BOD1L1: variants seen among roughly 807,000 people sequenced by gnomAD.
BOD1L1 encodes the protein biorientation of chromosomes in cell division protein 1-like 1.
Under a neutral mutation model 240.7 loss-of-function variants are expected in BOD1L1, and 86 were observed. The ratio of observed to expected loss-of-function variants is 0.36; its 90% CI spans 0.30 to 0.43. BOD1L1 has a LOEUF of 0.43. BOD1L1 is among the 20% of genes least tolerant of loss of function. The pLI is 1.00. For synonymous variants in BOD1L1, 1,268 were observed against 1,272.3 expected, an observed-to-expected ratio of 1.00 and a Z score of 0.07; for missense variants, 3,554 against 3,643.5, an observed-to-expected ratio of 0.98 and a Z score of 0.63.
chr4:13,611,596 A>G (rs1344288481), intron 5 of BOD1L1, among the ~76,000 whole-genome samples: 1 of 152,176 alleles, frequency 6.6e-6, no homozygotes, highest in East Asian at 1.9e-4. Context: ...CTAAGTTTAA[A>G]TTCTGTTTTA....
Position 13,604,424 on chromosome 4 carries a change from T to G in BOD1L1, c.2476A>C (p.Lys826Gln). 1.3e-6 allele frequency: 2 copies of G among 1,574,388 alleles called. No homozygotes were observed. Among genetic ancestry groups the G allele is most frequent in the Non-Finnish European group, 1.7e-6 (2 of 1,169,430 alleles). ...TDENVRKENN[K>Q]KERRLSAEKT... ...TCAGCTGACAAGCGTCTCTCTTTTT[T>G]GTTGTTTTCTTTACGAACATTCTCA... Residue 826 changes from lysine to glutamine, a missense_variant, in exon 10 of 26, where the codon AAA becomes CAA. Transcript: ENST00000040738.
Position 13,598,979 on chromosome 4 carries a change from T to G in BOD1L1, c.7921A>C (p.Thr2641Pro). 6.2e-7 allele frequency: 1 copy of G among 1,612,108 alleles called. No homozygotes were observed. The highest frequency in any genetic ancestry group is 1.3e-5 in the African/African-American group (1 of 75,026). ...SFPEEGDIMV[T>P]VSSEENVCDI... ...CACACATTTTCTTCAGAAGACACAG[T>G]AACCATTATGTCTCCTTCCTCAGGG... Residue 2641 changes from threonine to proline, a missense_variant, in exon 10 of 26, where the codon ACT (threonine) becomes CCT (proline). By Grantham distance (38) the Thr-to-Pro change is conservative (BLOSUM62 -1). This residue lies in a region of BOD1L1 where 3,393 missense variants were observed against 3,427.1 expected (regional missense o/e 0.99). Transcript: ENST00000040738.
rs751252709 is a variant in BOD1L1 at position 13,577,444 on chromosome 4, C to T, written c.8843G>A (p.Gly2948Glu). Residue 2948 changes from glycine (G) to glutamate (E), a missense_variant, in exon 24 of 26, where the codon GGA becomes GAA. Gly to Glu is a moderately conservative substitution (Grantham distance 98). This residue lies in a region of BOD1L1 where 3,393 missense variants were observed against 3,427.1 expected (regional missense o/e 0.99). Coordinates refer to ENST00000040738, the MANE Select transcript of BOD1L1 (RefSeq NM_148894.3). ...EKIVTSVRRR[G>E]RKPKRSLTVS... The stretch of plus-strand genomic sequence containing the variant: ...AGTGAGAGAACGTTTGGGTTTTCTT[C>T]CTCTCCGACGCACACTTGTTACTAT... The T allele has an allele frequency of 1.9e-6, 3 of 1,613,752 alleles. No individual in the cohort carries two copies. The highest frequency in any genetic ancestry group is 2.5e-6 in the Non-Finnish European group (3 of 1,179,804).
Position 13,599,740 on chromosome 4 carries a change from G to A in BOD1L1, c.7160C>T (p.Pro2387Leu), listed in dbSNP as rs1209837163. The A allele has an allele frequency of 6.2e-7, 1 of 1,613,838 alleles. No homozygotes were observed. Among genetic ancestry groups the A allele is most frequent in the Non-Finnish European group, 8.5e-7 (1 of 1,179,848 alleles). ...TTCTTTGCCTCCCCTGACTGGCCCA[G>A]GACACCGACAGTTATTCTCAGCAAT... ...SLIAENNCRC[P>L]GPVRGGKEPG... The change falls in exon 10 of 26, where the codon CCT becomes CTT. Residue 2387 changes from proline (P) to leucine (L), a missense_variant. Coordinates refer to ENST00000040738, the MANE Select transcript of BOD1L1 (RefSeq NM_148894.3).
chr4:13,597,006 AACAGG>A, intron 11 of BOD1L1, 93 bp downstream of exon 11: 1 of 963,868 alleles, frequency 1.0e-6, no homozygotes, highest in Non-Finnish European at 1.6e-6. Flanking sequence ...GTACAATGAG[AACAGG>A]ACCTATATAC....
At chr4:13,622,676 T>C (rs1175486618) in intron 1 of BOD1L1, among the ~76,000 whole-genome samples, 2 of 152,218 alleles carry the variant, frequency 1.3e-5, no homozygotes, top group African/African-American at 2.4e-5. Flanking sequence ...GTCTGAATTA[T>C]AACAACTGGC....
chr4:13,601,961 TCA>T lies in BOD1L1; in HGVS notation c.4937_4938del (p.Val1646AspfsTer6). 1 of 1,614,006 alleles carries T rather than the reference TCA, an allele frequency of 6.2e-7. No individual in the cohort carries two copies. Among genetic ancestry groups the T allele is most frequent in the Non-Finnish European group, 8.5e-7 (1 of 1,179,892 alleles). ...GTTACAGCATCATCCTTTTCCTCTG[TCA>T]CAACGCTATTTACATTGGCTTCGAT... ...VKIEANVNSV[V>X]TEEKDDAVTS... On this transcript the variant is annotated frameshift_variant, in exon 10 of 26. Transcript: ENST00000040738. LOFTEE classifies it high-confidence loss of function.
Position 13,602,838 on chromosome 4 carries a change from T to G in BOD1L1, c.4062A>C (p.Thr1354=), listed in dbSNP as rs200374478. 4 of 1,614,046 alleles carry G rather than the reference T, an allele frequency of 2.5e-6. No individual in the cohort carries two copies. In the East Asian group the frequency reaches 8.9e-5, roughly 36 times the overall value. Residue 1354 remains threonine (T), a synonymous_variant, in exon 10 of 26, where the codon ACA becomes ACC. Coordinates refer to ENST00000040738, the MANE Select transcript of BOD1L1 (RefSeq NM_148894.3). The part of the protein sequence containing the change: ...KEGGEGFTVD[T]PAKASITSKR... Reference sequence around the variant, plus strand: ...TGCTAGTGATGCTTGCTTTTGCTGGTGTATCTACTGTGAAACCTTCACCAC... The same window carrying G: ...TGCTAGTGATGCTTGCTTTTGCTGGGGTATCTACTGTGAAACCTTCACCAC...
At chr4:13,596,999 C>T (rs1577339891) in intron 11 of BOD1L1, 105 bp downstream of exon 11, 2 of 883,142 alleles carry the variant, frequency 2.3e-6, no homozygotes, top group East Asian at 5.3e-5. Context: ...ATCATAAGTA[C>T]AATGAGAACA....
At chr4:13,576,749 A>T in intron 25 of BOD1L1, 89 bp downstream of exon 25, 1 of 1,449,700 alleles carries the variant, frequency 6.9e-7, no homozygotes, top group Non-Finnish European at 9.3e-7. Flanking sequence ...TGAATGATTC[A>T]GTTCAAAGAG....
At chr4:13,598,892 T>C (rs998793816) in intron 10 of BOD1L1, 54 bp downstream of exon 10, 10 of 1,518,436 alleles carry the variant, frequency 6.6e-6, no homozygotes, top group Admixed American at 3.9e-5. Flanking sequence ...ATGCACTCTG[T>C]TGTACAATCA....
rs778108155 is a variant in BOD1L1, at chr4:13,590,393, G to A, written c.8202C>T (p.Asn2734=). 6.7e-7 allele frequency: 1 copy of A among 1,495,680 alleles called. No individual in the cohort carries two copies. Among genetic ancestry groups the A allele is most frequent in the African/African-American group, 1.4e-5 (1 of 71,546 alleles). 92.7% of individuals were successfully genotyped at this position (1,495,680 alleles called of 1,614,324 possible). Residue 2734 remains asparagine, a synonymous_variant, in exon 14 of 26, where the codon AAC becomes AAT. Transcript: ENST00000040738. ...TGAAATTCATTAACTTACCTCCTTT[G>A]TTATAAGATTCGCTATGAATTTCTT... ...TNEEIHSESY[N]KGEISSGRKD...
At chr4:13,572,695 G>T in intron 25 of BOD1L1, 2 of 1,289,576 alleles carry the variant, frequency 1.6e-6, no homozygotes, top group Non-Finnish European at 2.0e-6. Flanking sequence ...TGTAAGCAGG[G>T]ACTTACCTTC....
At position 13,600,725 on chromosome 4, in the gene BOD1L1, T is replaced by C; in HGVS notation, c.6175A>G (p.Asn2059Asp). The C allele has an allele frequency of 6.2e-7, 1 of 1,614,012 alleles. No homozygotes were observed. Among genetic ancestry groups the C allele is most frequent in the Non-Finnish European group, 8.5e-7 (1 of 1,179,896 alleles). ...TTASGDITNQ[N>D]SLAGGKNQGK... Reference sequence around the variant, plus strand: ...TGATTTTTACCCCCTGCTAAGCTATTCTGGTTGGTAATATCACCACTGGCT... The same window carrying C: ...TGATTTTTACCCCCTGCTAAGCTATCCTGGTTGGTAATATCACCACTGGCT... Residue 2059 changes from asparagine (N) to aspartate (D), a missense_variant, in exon 10 of 26, where the codon AAT becomes GAT. This residue lies in a region of BOD1L1 where 3,393 missense variants were observed against 3,427.1 expected (regional missense o/e 0.99). Coordinates refer to ENST00000040738, the MANE Select transcript of BOD1L1 (RefSeq NM_148894.3).
At chr4:13,581,343 A>G (rs1713217628) in intron 19 of BOD1L1, 136 bp from the exon 20 acceptor site, 1 of 628,398 alleles carries the variant, frequency 1.6e-6, no homozygotes. Flanking sequence ...CTTTAAAAAT[A>G]TGTGATGTAG....
intron 2 of BOD1L1, among the ~76,000 whole-genome samples, chr4:13,618,853 ATTTG>A (rs778381492): frequency 5.3e-4 from 67 of 126,940 alleles, no homozygotes; most frequent in Admixed American, 1.9e-3. Context: ...TATAAAACAG[ATTTG>A]TTTAACTGTT....
At chr4:13,595,430 C>T (rs1321057724) in intron 12 of BOD1L1, among the ~76,000 whole-genome samples, 1 of 152,086 alleles carries the variant, frequency 6.6e-6, no homozygotes, top group Non-Finnish European at 1.5e-5. Flanking sequence ...AAGCTGAGAG[C>T]AGTATCTGTG....
chr4:13,593,212 TG>T (rs1714355229), intron 12 of BOD1L1: 1 of 152,154 alleles, frequency 6.6e-6, no homozygotes, highest in Non-Finnish European at 1.5e-5. Context: ...ATACTTAACC[TG>T]TATATTCTTT....
chr4:13,580,085 G>A (rs1466547723), intron 21 of BOD1L1, 112 bp from the exon 22 acceptor site: 5 of 717,768 alleles, frequency 7.0e-6, no homozygotes, highest in East Asian at 5.8e-5. Flanking sequence ...TTACATAGGC[G>A]TATTTGAGAC....
Sources: gnomAD v4.1 joint callset for allele counts (sites outside exome capture counted in the v4.1 genomes callset) on GRCh38, gnomAD v4.1.1 for gene constraint, gnomAD v4.1.1 regional missense constraint, MANE v1.5 for transcripts, NCBI Gene and HGNC (gene_info 2026-07-23, HGNC 2026-07-21) for gene names.